Variants in MTCL3 observed in about 807,000 individuals in gnomAD.
The protein encoded by MTCL3 is MTCL family member 3, also known as microtubule cross-linking factor 3.
chr6:127,491,732 G>A, the MTCL3 span, among the ~76,000 whole-genome samples: 1 of 151,872 alleles, frequency 6.6e-6, no homozygotes, highest in Non-Finnish European at 1.5e-5. Flanking sequence ...AGTTAGCCAG[G>A]CATGGTGGCA....
chr6:127,483,743 T>A, the MTCL3 span, among the ~76,000 whole-genome samples: 2 of 152,206 alleles, frequency 1.3e-5, no homozygotes, highest in Admixed American at 1.3e-4. Flanking sequence ...TAATATGATC[T>A]CTGGTGCTCA....
the MTCL3 span, chr6:127,516,776 A>G: frequency 1.6e-6 from 2 of 1,236,628 alleles, no homozygotes; most frequent in Admixed American, 5.8e-5. Context: ...ATATTGCTCC[A>G]TTTGGATGGC....
At chr6:127,499,803 G>T in the MTCL3 span, among the ~76,000 whole-genome samples, 10,694 of 152,222 alleles carry the variant, frequency 0.07, 1,303 homozygotes, top group African/African-American at 0.24. Context: ...CCAATAGAAG[G>T]CACTGGCAGG....
At chr6:127,516,585 G>C in the MTCL3 span, 1 of 1,597,500 alleles carries the variant, frequency 6.3e-7, no homozygotes, top group Admixed American at 1.7e-5. Context: ...CTGTGGCAGG[G>C]GCAGCGCCCC....
chr6:127,482,185 T>C, the MTCL3 span, among the ~76,000 whole-genome samples: 5 of 152,226 alleles, frequency 3.3e-5, no homozygotes, highest in Admixed American at 6.5e-5. This position sits in a 1 kb window ranked among gnomAD's most constrained non-coding sequence, Gnocchi z 4.1. Context: ...TTCACTTTAC[T>C]CTATGGGCTC....
chr6:127,515,781 C>T, the MTCL3 span: 3 of 1,607,288 alleles, frequency 1.9e-6, no homozygotes, highest in Admixed American at 1.7e-5. The surrounding 1 kb of genome is among the most constrained non-coding windows in gnomAD (Gnocchi z 4.3). Context: ...TCTTAGCGTG[C>T]ATCTGAGCCG....
the MTCL3 span, among the ~76,000 whole-genome samples, chr6:127,496,609 G>A: frequency 1.2e-3 from 179 of 152,240 alleles, no homozygotes; most frequent in African/African-American, 4.0e-3. Context: ...ATCCACCAAG[G>A]ACTTTCACAG....
the MTCL3 span, among the ~76,000 whole-genome samples, chr6:127,484,171 C>T: frequency 7.2e-5 from 11 of 152,214 alleles, no homozygotes; most frequent in Admixed American, 7.2e-4. Context: ...TTCATAAATT[C>T]GCAAAGAAAT....
the MTCL3 span, among the ~76,000 whole-genome samples, chr6:127,479,699 T>C: frequency 6.6e-6 from 1 of 152,184 alleles, no homozygotes; most frequent in Non-Finnish European, 1.5e-5. Flanking sequence ...AATAGAGTCA[T>C]TAGGAGGGAA....
the MTCL3 span, among the ~76,000 whole-genome samples, chr6:127,485,238 G>A: frequency 6.6e-6 from 1 of 152,088 alleles, no homozygotes; most frequent in African/African-American, 2.4e-5. Flanking sequence ...ATCTTATCTA[G>A]AATCTGGTGC....
chr6:127,496,991 T>G, the MTCL3 span, among the ~76,000 whole-genome samples: 1 of 152,110 alleles, frequency 6.6e-6, no homozygotes, highest in East Asian at 1.9e-4. Flanking sequence ...AGAAGTAGAT[T>G]AGTAATTGCC....
At chr6:127,501,242 T>C in the MTCL3 span, among the ~76,000 whole-genome samples, 5 of 152,226 alleles carry the variant, frequency 3.3e-5, no homozygotes, top group Non-Finnish European at 7.3e-5. Context: ...CTCTAGAACA[T>C]AATTATTCTA....
the MTCL3 span, chr6:127,475,572 G>C: frequency 3.7e-6 from 6 of 1,608,508 alleles, no homozygotes; most frequent in Non-Finnish European, 5.1e-6. This position sits in a 1 kb window ranked among gnomAD's most constrained non-coding sequence, Gnocchi z 7.3. Flanking sequence ...CCTCCGAGCG[G>C]ATGTCCTTCA....
the MTCL3 span, among the ~76,000 whole-genome samples, chr6:127,479,243 T>C: frequency 2.0e-5 from 3 of 152,184 alleles, no homozygotes; most frequent in East Asian, 1.9e-4. Flanking sequence ...TAAGCTGTCA[T>C]GGCACTGGTG....
chr6:127,486,218 G>T, the MTCL3 span, among the ~76,000 whole-genome samples: 117 of 152,286 alleles, frequency 7.7e-4, no homozygotes, highest in Admixed American at 1.8e-3. Context: ...CACTCAGGTG[G>T]AGTGTTAAGC....
chr6:127,496,866 A>G, the MTCL3 span, among the ~76,000 whole-genome samples: 1 of 152,258 alleles, frequency 6.6e-6, no homozygotes, highest in Admixed American at 6.5e-5. Flanking sequence ...ACATGGTATG[A>G]CACAGATGAA....
chr6:127,504,055 A>G, the MTCL3 span, among the ~76,000 whole-genome samples: 1 of 152,226 alleles, frequency 6.6e-6, no homozygotes, highest in Non-Finnish European at 1.5e-5. Context: ...GTTTACAGTC[A>G]GGAAACTGTA....
At chr6:127,513,005 A>G in the MTCL3 span, 2 of 1,611,454 alleles carry the variant, frequency 1.2e-6, no homozygotes. Flanking sequence ...TTTCTTCCAC[A>G]TTTTCTAATT....
the MTCL3 span, among the ~76,000 whole-genome samples, chr6:127,492,735 G>A: frequency 6.6e-6 from 1 of 152,150 alleles, no homozygotes. Context: ...TGTTAGCCAG[G>A]GTGGTCTCAA....
Sources: gnomAD v4.1 joint callset for allele counts (sites outside exome capture counted in the v4.1 genomes callset) on GRCh38, gnomAD v4.1.1 for gene constraint, Gnocchi (gnomAD v3.1) non-coding constraint, MANE v1.5 for transcripts, NCBI Gene and HGNC (gene_info 2026-07-23, HGNC 2026-07-21) for gene names.